ATP10B: variants seen among roughly 807,000 people sequenced by gnomAD.
ATP10B encodes the protein ATPase phospholipid transporting 10B (putative).
In ATP10B, 122 loss-of-function variants were observed where a neutral mutation model predicts 141.2. The observed-to-expected ratio is 0.86, with a 90% CI of 0.75 to 1.00. The LOEUF (loss-of-function observed/expected upper bound fraction) is 1.00, where lower values mean the gene tolerates loss of function less well. Ranked by LOEUF, ATP10B falls within the 50% of genes least tolerant of loss-of-function variation. The probability of loss-of-function intolerance (pLI) is 0.00; values close to 1 mark genes in which losing one functional copy is unlikely to be tolerated. For synonymous variants in ATP10B, 685 were observed against 692.0 expected (o/e 0.99, Z 0.16); for missense variants, 1,876 against 1,825.3 (o/e 1.03, Z -0.51).
intron 6 of ATP10B, among the ~76,000 whole-genome samples, chr5:160,683,818 CCTTG>C (rs2127742091): frequency 6.6e-6 from 1 of 152,266 alleles, no homozygotes; most frequent in South Asian, 2.1e-4. Context: ...GACTCAACTC[CCTTG>C]CTTCTTTTAG....
chr5:160,788,947 A>G (rs1771373572), intron 1 of ATP10B, among the ~76,000 whole-genome samples: 1 of 152,204 alleles, frequency 6.6e-6, no homozygotes, highest in African/African-American at 2.4e-5. Flanking sequence ...GGTATGTGAT[A>G]CATACAAAGA....
At chr5:160,808,220 T>C (rs1159910195) in intron 1 of ATP10B, among the ~76,000 whole-genome samples, 1 of 152,172 alleles carries the variant, frequency 6.6e-6, no homozygotes, top group Non-Finnish European at 1.5e-5. Flanking sequence ...GGTGTGACAA[T>C]AAAATTGTGT....
At chr5:160,593,814 T>C (rs889789290) in intron 22 of ATP10B, among the ~76,000 whole-genome samples, 6 of 151,340 alleles carry the variant, frequency 4.0e-5, no homozygotes, top group Admixed American at 1.3e-4. Context: ...TGAAATGAAG[T>C]GAGAAGGGAA....
At position 160,617,932 on chromosome 5, in the gene ATP10B, C is replaced by T; in HGVS notation, c.2458G>A (p.Ala820Thr). ...NMEKKLRKIR[A>T]RTQKHLDLYA... is the part of the protein sequence containing the mutation. ...AAGTCTAGATGCTTTTGGGTCCGGG[C>T]TCGGATTTTTCTCAGCTTCTTTTCC... Residue 820 changes from alanine (A) to threonine (T), a missense_variant, in exon 16 of 26, where the codon GCC becomes ACC. Coordinates refer to ENST00000327245, the MANE Select transcript of ATP10B (RefSeq NM_025153.3). 2 of 1,614,152 alleles carry T rather than the reference C, an allele frequency of 1.2e-6. No homozygotes were observed. Among genetic ancestry groups the T allele is most frequent in the South Asian group, 1.1e-5 (1 of 91,082 alleles).
At chr5:160,919,646 C>A in the ATP10B span, among the ~76,000 whole-genome samples, 2 of 152,188 alleles carry the variant, frequency 1.3e-5, no homozygotes, top group African/African-American at 4.8e-5. Flanking sequence ...TATCTATTCT[C>A]TGATTAGAAA....
At chr5:160,764,860 A>G (rs1344381067) in intron 2 of ATP10B, among the ~76,000 whole-genome samples, 1 of 152,204 alleles carries the variant, frequency 6.6e-6, no homozygotes. Context: ...GAATTCAGTA[A>G]ACTTTCAGGA....
intron 21 of ATP10B, 37 bp downstream of exon 21, chr5:160,602,540 C>A: frequency 6.2e-7 from 1 of 1,612,298 alleles, no homozygotes; most frequent in South Asian, 1.1e-5. Flanking sequence ...CAAGGCCTGC[C>A]AAAGCCCTGG....
intron 24 of ATP10B, among the ~76,000 whole-genome samples, chr5:160,585,269 A>G (rs946778449): frequency 2.0e-5 from 3 of 152,202 alleles, no homozygotes; most frequent in Admixed American, 2.0e-4. Flanking sequence ...TACAAATTGT[A>G]GTTTTAATTT....
At chr5:160,818,632 A>G (rs1773867004) in intron 1 of ATP10B, among the ~76,000 whole-genome samples, 1 of 152,258 alleles carries the variant, frequency 6.6e-6, no homozygotes. Context: ...CATTTGATCC[A>G]GCCATCCCAT....
At chr5:160,719,855 A>C (rs979608512) in intron 2 of ATP10B, among the ~76,000 whole-genome samples, 3 of 152,188 alleles carry the variant, frequency 2.0e-5, no homozygotes, top group Admixed American at 2.0e-4. Flanking sequence ...AGCTTCCTGA[A>C]GCTCAGATTA....
the ATP10B span, among the ~76,000 whole-genome samples, chr5:160,922,446 G>C: frequency 6.6e-6 from 1 of 152,302 alleles, no homozygotes; most frequent in East Asian, 1.9e-4. Context: ...CACTGAAAAG[G>C]AAGTAAAGAA....
At chr5:160,852,518 A>G (rs1753864495), upstream of ATP10B, among the ~76,000 whole-genome samples, 1 of 152,192 alleles carries the variant, frequency 6.6e-6, no homozygotes, top group Non-Finnish European at 1.5e-5. Flanking sequence ...CACTTAAGAA[A>G]GAAAAGACTC....
At chr5:160,668,259 T>C (rs200290198) in intron 7 of ATP10B, among the ~76,000 whole-genome samples, 3 of 147,858 alleles carry the variant, frequency 2.0e-5, no homozygotes, top group Non-Finnish European at 3.0e-5. Context: ...TAGAATAGCA[T>C]AGAAAGTCTC....
intron 8 of ATP10B, among the ~76,000 whole-genome samples, chr5:160,645,426 C>T (rs564106062): frequency 4.6e-5 from 7 of 152,328 alleles, no homozygotes; most frequent in Admixed American, 3.3e-4. Context: ...CCTCTCGTTC[C>T]GAGCCACATC....
intron 1 of ATP10B, among the ~76,000 whole-genome samples, chr5:160,829,316 T>G (rs868537366): frequency 1.3e-5 from 2 of 152,094 alleles, no homozygotes; most frequent in Non-Finnish European, 2.9e-5. Context: ...TGGAGCTACA[T>G]GTCTGTGTTT....
chr5:160,636,092 T>C, intron 11 of ATP10B, 90 bp downstream of exon 11: 1 of 1,387,332 alleles, frequency 7.2e-7, no homozygotes, highest in Non-Finnish European at 9.7e-7. Flanking sequence ...TACTTTCTAG[T>C]GGCCAGCACT....
the ATP10B span, among the ~76,000 whole-genome samples, chr5:160,869,514 C>A: frequency 6.6e-6 from 1 of 151,974 alleles, no homozygotes; most frequent in African/African-American, 2.4e-5. Flanking sequence ...TCACAAAAAC[C>A]CTTTAGATTC....
chr5:160,738,114 T>A (rs999158346), intron 2 of ATP10B, among the ~76,000 whole-genome samples: 1 of 152,114 alleles, frequency 6.6e-6, no homozygotes, highest in Non-Finnish European at 1.5e-5. Context: ...AGAATTAGGT[T>A]AAAAATTAAT....
intron 22 of ATP10B, among the ~76,000 whole-genome samples, chr5:160,592,259 C>G (rs1465151053): frequency 6.6e-6 from 1 of 152,166 alleles, no homozygotes; most frequent in African/African-American, 2.4e-5. Context: ...CAATGAAAAG[C>G]AAAGTAGCTA....
Sources: allele counts gnomAD v4.1 joint callset (sites outside exome capture counted in the v4.1 genomes callset), GRCh38; gene constraint gnomAD v4.1.1; transcripts MANE v1.5; gene names NCBI Gene and HGNC (gene_info 2026-07-23, HGNC 2026-07-21).